The following WDPCP variants were observed in gnomAD, a reference collection of about 807,000 sequenced individuals.
The protein encoded by WDPCP is WD repeat-containing and planar cell polarity effector protein fritz homolog.
A neutral mutation model predicts 93.1 loss-of-function variants in WDPCP; 71 were observed. The ratio of observed to expected loss-of-function variants is 0.76; its 90% CI spans 0.63 to 0.93. WDPCP has a LOEUF of 0.93. Ranked by LOEUF, WDPCP falls within the 40% of genes least tolerant of loss-of-function variation. The probability of loss-of-function intolerance (pLI) is 0.00; values close to 1 mark genes in which losing one functional copy is unlikely to be tolerated. For missense variants in WDPCP, 844 were observed against 887.4 expected (o/e 0.95, Z 0.62); for synonymous variants, 315 against 315.0 (o/e 1.00, Z 0.00).
At chr2:63,698,948 C>A (rs913257875) in intron 2 of WDPCP, among the ~76,000 whole-genome samples, 1 of 152,190 alleles carries the variant, frequency 6.6e-6, no homozygotes, top group Non-Finnish European at 1.5e-5. Flanking sequence ...CCTGGACTTC[C>A]AGCCCAGTCT....
chr2:63,620,691 C>T (rs1179645500), intron 3 of WDPCP, among the ~76,000 whole-genome samples: 5 of 152,202 alleles, frequency 3.3e-5, no homozygotes, highest in South Asian at 2.1e-4. Context: ...CAGACTGTCT[C>T]CTCAAGTGGG....
chr2:63,153,987 A>T (rs1483784557), intron 15 of WDPCP, among the ~76,000 whole-genome samples: 3 of 151,916 alleles, frequency 2.0e-5, no homozygotes, highest in Admixed American at 2.0e-4. Flanking sequence ...TGATGTAGAA[A>T]ACCCCCCACC....
intron 13 of WDPCP, among the ~76,000 whole-genome samples, chr2:63,262,452 A>C (rs1227052199): frequency 6.6e-6 from 1 of 151,954 alleles, no homozygotes; most frequent in Non-Finnish European, 1.5e-5. Flanking sequence ...CTTAAAATTA[A>C]TAGGTCAAAA....
At chr2:63,211,494 A>T (rs897242469) in intron 14 of WDPCP, among the ~76,000 whole-genome samples, 1 of 152,186 alleles carries the variant, frequency 6.6e-6, no homozygotes. Context: ...GGTAGATAAA[A>T]CCACAAAGAT....
At chr2:63,288,212 G>A (rs1431294868) in intron 13 of WDPCP, among the ~76,000 whole-genome samples, 1 of 152,192 alleles carries the variant, frequency 6.6e-6, no homozygotes, top group East Asian at 1.9e-4. Flanking sequence ...GGTAATTAGG[G>A]ATGCCAACAT....
chr2:63,262,589 T>C (rs1303844063), intron 13 of WDPCP, among the ~76,000 whole-genome samples: 4 of 149,884 alleles, frequency 2.7e-5, no homozygotes, highest in African/African-American at 9.8e-5. Flanking sequence ...TACCCATATA[T>C]AGATGGTTCT....
At chr2:63,665,450 A>G (rs1453952963) in intron 2 of WDPCP, among the ~76,000 whole-genome samples, 1 of 152,166 alleles carries the variant, frequency 6.6e-6, no homozygotes, top group African/African-American at 2.4e-5. Flanking sequence ...TTATAAGGAC[A>G]CCAGTCATAT....
chr2:63,474,509 T>G (rs1699861928), intron 6 of WDPCP, among the ~76,000 whole-genome samples: 1 of 152,178 alleles, frequency 6.6e-6, no homozygotes, highest in African/African-American at 2.4e-5. Flanking sequence ...CTCATTTTCC[T>G]ATAAACTTAC....
At chr2:63,392,164 C>T (rs1001964494) in intron 10 of WDPCP, among the ~76,000 whole-genome samples, 2 of 152,194 alleles carry the variant, frequency 1.3e-5, no homozygotes, top group African/African-American at 4.8e-5. Flanking sequence ...ACCAAAACAG[C>T]ATGGTACTGG....
chr2:63,280,419 C>T (rs1236757582), intron 13 of WDPCP, among the ~76,000 whole-genome samples: 1 of 152,180 alleles, frequency 6.6e-6, no homozygotes, highest in Non-Finnish European at 1.5e-5. Flanking sequence ...CAATTACCTC[C>T]CCATGGGTCC....
intron 6 of WDPCP, among the ~76,000 whole-genome samples, chr2:63,466,419 T>C (rs553706935): frequency 6.6e-6 from 1 of 152,308 alleles, no homozygotes; most frequent in African/African-American, 2.4e-5. Flanking sequence ...AACGTAATAT[T>C]CTCAAATATC....
At chr2:63,796,078 G>C (rs545581269) in intron 2 of WDPCP, among the ~76,000 whole-genome samples, 1 of 152,258 alleles carries the variant, frequency 6.6e-6, no homozygotes, top group South Asian at 2.1e-4. Flanking sequence ...TCTGGTAAAG[G>C]TTTCTCTACT....
chr2:63,820,513 CT>C, intron 1 of WDPCP, among the ~76,000 whole-genome samples: 1 of 152,256 alleles, frequency 6.6e-6, no homozygotes, highest in East Asian at 1.9e-4. Context: ...ACATGTTAAG[CT>C]TGTGATGTAC....
At chr2:63,754,433 C>T (rs1669926978) in intron 2 of WDPCP, among the ~76,000 whole-genome samples, 1 of 152,078 alleles carries the variant, frequency 6.6e-6, no homozygotes, top group Non-Finnish European at 1.5e-5. Context: ...TGCCTTGTAG[C>T]CAATACAATA....
At position 63,740,486 on chromosome 2, in the gene WDPCP, T is replaced by C. The variant is rs368048522; in HGVS notation, n.308+73136A>G. On this transcript the variant is annotated intron_variant and non_coding_transcript_variant, in intron 2 of 4. Transcript: ENST00000467687. ...AATCAAGGCATACATCTTTCTTTAA[T>C]AAATGATTGGGCTTCGCAACCAATT... is the stretch of plus-strand genomic sequence containing the variant. 6.6e-5 allele frequency among the ~76,000 whole-genome samples: 10 copies of C among 152,294 alleles called. No homozygotes were observed. The South Asian group carries it at 1.7e-3, about 25-fold the overall frequency.
chr2:63,540,896 AC>A (rs1704664491), intron 1 of WDPCP, among the ~76,000 whole-genome samples: 2 of 151,900 alleles, frequency 1.3e-5, no homozygotes, highest in African/African-American at 2.4e-5. Flanking sequence ...GGTGCACACT[AC>A]AATATCTGGC....
chr2:63,794,015 A>G (rs1290326515), intron 2 of WDPCP, among the ~76,000 whole-genome samples: 1 of 152,088 alleles, frequency 6.6e-6, no homozygotes, highest in Non-Finnish European at 1.5e-5. Context: ...CTATTGAATC[A>G]TATATACAGA....
At chr2:63,492,475 C>G (rs1234171096) in intron 2 of WDPCP, among the ~76,000 whole-genome samples, 2 of 147,354 alleles carry the variant, frequency 1.4e-5, no homozygotes, top group Admixed American at 1.4e-4. Context: ...GAATATGTAT[C>G]TTTTTTTTTT....
intron 2 of WDPCP, among the ~76,000 whole-genome samples, chr2:63,670,798 A>G (rs1300083855): frequency 2.0e-5 from 3 of 152,150 alleles, no homozygotes; most frequent in African/African-American, 4.8e-5. Flanking sequence ...CCAAGTTAAC[A>G]TCGTAAATAA....
Sources: allele counts gnomAD v4.1 joint callset (sites outside exome capture counted in the v4.1 genomes callset), GRCh38; gene constraint gnomAD v4.1.1; transcripts MANE v1.5; gene names NCBI Gene and HGNC (gene_info 2026-07-23, HGNC 2026-07-21).